The following CCDC13 variants were observed in gnomAD, a reference collection of about 807,000 sequenced individuals.
CCDC13 encodes the protein coiled-coil domain containing 13.
CCDC13 carries 70 observed loss-of-function variants against 87.3 expected under a neutral mutation model. The observed-to-expected ratio is 0.80, with a 90% confidence interval of 0.66 to 0.98. The LOEUF is 0.98. Among genes scored for constraint, CCDC13 ranks in the 50% least tolerant of loss-of-function variants. The pLI is 0.00. For missense variants in CCDC13, 842 were observed against 892.0 expected, an observed-to-expected ratio of 0.94 and a Z score of 0.71; for synonymous variants, 317 against 360.3, an observed-to-expected ratio of 0.88 and a Z score of 1.36.
At chr3:42,713,020 G>T in intron 14 of CCDC13, 142 bp downstream of exon 14, 1 of 919,724 alleles carries the variant, frequency 1.1e-6, no homozygotes. Context: ...CCCCACAGTG[G>T]AGGCAGGCAG....
At position 42,732,838 on chromosome 3, in the gene CCDC13, A is replaced by G. The variant is rs1279707618; in HGVS notation, c.1595+49T>C. Reference sequence around the variant, plus strand: ...ATGGGATGGCAATACTGGTTGAGCAATCAAGAATGGGAAAAAACTGTGAGA... The same window carrying G: ...ATGGGATGGCAATACTGGTTGAGCAGTCAAGAATGGGAAAAAACTGTGAGA... On this transcript the variant is annotated intron_variant, in intron 12 of 15. Transcript: ENST00000310232. 8.0e-6 allele frequency: 12 copies of G among 1,494,268 alleles called. No individual in the cohort carries two copies. The South Asian group carries it at 1.5e-4, about 18-fold the overall frequency. The allele number at this position is 1,494,268 out of a possible 1,614,324, so 92.6% of individuals were successfully genotyped here. A position where few individuals can be genotyped will look rare whatever the true frequency, so the allele number is the denominator to read the frequency against.
chr3:42,742,194 G>A (rs1306131432), intron 8 of CCDC13, among the ~76,000 whole-genome samples: 1 of 152,198 alleles, frequency 6.6e-6, no homozygotes, highest in African/African-American at 2.4e-5. Flanking sequence ...CTACAGTGAT[G>A]GGCTCAAGGA....
chr3:42,726,244 G>A (rs374384606), intron 13 of CCDC13, among the ~76,000 whole-genome samples: 2 of 152,218 alleles, frequency 1.3e-5, no homozygotes, highest in South Asian at 2.1e-4. Context: ...GTTTCACCAC[G>A]TTGGCCAGGG....
Position 42,739,743 on chromosome 3 carries a change from A to T in CCDC13, c.1055T>A (p.Met352Lys), listed in dbSNP as rs778108531. Reference protein sequence around the residue: ...LEELKKKFEGMRSRNKLLSSE... With the variant: ...LEELKKKFEGKRSRNKLLSSE... The stretch of plus-strand genomic sequence containing the variant: ...TGACAGCAGCTTGTTCCGAGACCTC[A>T]TGCCCTCGAACTTCTTTTTTAGCTC... The change falls in exon 9 of 16, where the codon ATG becomes AAG. Residue 352 changes from methionine (M) to lysine (K), a missense_variant. Physicochemically the swap from Met to Lys is moderately conservative, Grantham distance 95. Transcript: ENST00000310232. The T allele has an allele frequency of 1.2e-6, 2 of 1,614,202 alleles. No individual in the cohort carries two copies. The highest frequency in any genetic ancestry group is 2.2e-5 in the South Asian group (2 of 91,086).
intron 14 of CCDC13, among the ~76,000 whole-genome samples, chr3:42,711,201 G>A (rs1269206735): frequency 7.2e-6 from 1 of 139,380 alleles, no homozygotes; most frequent in Non-Finnish European, 1.5e-5. Flanking sequence ...AGCTGAGATC[G>A]CACCGCTGCA....
chr3:42,770,906 A>C (rs1700067754), intron 1 of CCDC13: 1 of 152,406 alleles, frequency 6.6e-6, no homozygotes. Context: ...TTGACATCAG[A>C]AGGAAGAAAC....
At chr3:42,745,674 T>C (rs931950707) in intron 7 of CCDC13, 14 of 338,562 alleles carry the variant, frequency 4.1e-5, no homozygotes, top group Admixed American at 3.1e-4. Flanking sequence ...ACCAAAGGCG[T>C]TGGCATTTGT....
chr3:42,748,850 G>A (rs1699492955), intron 5 of CCDC13, among the ~76,000 whole-genome samples: 1 of 152,144 alleles, frequency 6.6e-6, no homozygotes, highest in South Asian at 2.1e-4. Context: ...CGCCCCCCCG[G>A]GTTGAAGCGA....
intron 13 of CCDC13, among the ~76,000 whole-genome samples, chr3:42,718,668 T>C (rs937745733): frequency 1.3e-5 from 2 of 152,040 alleles, no homozygotes; most frequent in African/African-American, 4.8e-5. Flanking sequence ...AGTGTTGGGG[T>C]CCTGTAACAT....
chr3:42,771,065 T>C (rs1575345732), intron 1 of CCDC13: 1 of 152,156 alleles, frequency 6.6e-6, no homozygotes, highest in African/African-American at 2.4e-5. Context: ...AAAAACAAGA[T>C]GTACTTCAAT....
chr3:42,739,543 GGTGA>G, intron 9 of CCDC13, 87 bp downstream of exon 9: 2 of 1,374,410 alleles, frequency 1.5e-6, no homozygotes, highest in South Asian at 2.7e-5. Context: ...GGCATTGAGG[GGTGA>G]GTGAGGGCTC....
At chr3:42,733,349 A>G (rs1698892792) in intron 11 of CCDC13, 121 bp downstream of exon 11, 2 of 1,258,116 alleles carry the variant, frequency 1.6e-6, no homozygotes, top group African/African-American at 1.5e-5. Context: ...TATTGGAAGA[A>G]CAACAGCATA....
At chr3:42,737,224 C>T (rs959698766) in intron 9 of CCDC13, among the ~76,000 whole-genome samples, 45 of 152,150 alleles carry the variant, frequency 3.0e-4, no homozygotes, top group Non-Finnish European at 1.9e-4. Flanking sequence ...TCATCCATAT[C>T]CCTGCAAAGG....
At chr3:42,747,468 G>T in intron 5 of CCDC13, 95 bp from the exon 6 acceptor site, 1 of 863,574 alleles carries the variant, frequency 1.2e-6, no homozygotes, top group Non-Finnish European at 1.9e-6. Context: ...GCCAGGCACT[G>T]TGCTAAGTGT....
chr3:42,735,154 G>T (rs1698965507), intron 10 of CCDC13, among the ~76,000 whole-genome samples: 1 of 152,252 alleles, frequency 6.6e-6, no homozygotes. Flanking sequence ...CCTAAAGGCT[G>T]AGGGGCAGCC....
At chr3:42,727,738 A>C (rs1217921287) in intron 13 of CCDC13, among the ~76,000 whole-genome samples, 1 of 152,244 alleles carries the variant, frequency 6.6e-6, no homozygotes, top group Non-Finnish European at 1.5e-5. Flanking sequence ...TAGTAGCAAA[A>C]CCAACTAACT....
intron 5 of CCDC13, among the ~76,000 whole-genome samples, chr3:42,749,606 G>C (rs937010917): frequency 6.6e-6 from 1 of 152,204 alleles, no homozygotes; most frequent in African/African-American, 2.4e-5. Flanking sequence ...GTTCTGGAGA[G>C]GGCTGGATCA....
chr3:42,743,158 T>C (rs1699275536), intron 7 of CCDC13, 101 bp from the exon 8 acceptor site: 8 of 1,338,904 alleles, frequency 6.0e-6, no homozygotes, highest in Admixed American at 1.9e-5. Context: ...TGGAACCACC[T>C]CTCTAGATGG....
intron 1 of CCDC13, 27 bp from the exon 2 acceptor site, chr3:42,758,378 T>G: frequency 6.2e-7 from 1 of 1,604,994 alleles, no homozygotes; most frequent in Non-Finnish European, 8.5e-7. Flanking sequence ...AAGCCTCAGC[T>G]GAAGCAAACT....
Sources: allele counts gnomAD v4.1 joint callset (sites outside exome capture counted in the v4.1 genomes callset), GRCh38; gene constraint gnomAD v4.1.1; transcripts MANE v1.5; gene names NCBI Gene and HGNC (gene_info 2026-07-23, HGNC 2026-07-21).